Variants in XPO4 observed in about 807,000 individuals in gnomAD.
XPO4 encodes exportin-4.
Under a neutral mutation model 143.0 loss-of-function variants are expected in XPO4, and 39 were observed. The observed-to-expected ratio is 0.27, with a 90% CI of 0.21 to 0.36. XPO4 has a LOEUF of 0.36. XPO4 is among the 10% of genes least tolerant of loss of function. XPO4 has a pLI of 1.00. For missense variants in XPO4, 907 were observed against 1,348.0 expected, an observed-to-expected ratio of 0.67 and a Z score of 5.12; for synonymous variants, 439 against 474.0, an observed-to-expected ratio of 0.93 and a Z score of 0.96.
chr13:20,827,761 T>A (rs1210589373), intron 6 of XPO4, among the ~76,000 whole-genome samples: 1 of 152,250 alleles, frequency 6.6e-6, no homozygotes, highest in Non-Finnish European at 1.5e-5. Flanking sequence ...CAAAAAACTT[T>A]ATAGATGCTT....
rs1336715969 is a variant in XPO4, at chr13:20,788,598, G to C, written c.2935C>G (p.Gln979Glu). Reference protein sequence around the residue: ...DLLKFPTLCNQYYKLITFICE... With the variant: ...DLLKFPTLCNEYYKLITFICE... ...ATAAATGTGATTAATTTGTAGTACT[G>C]ATTACAAAGGGTTGGAAACTGAAAA... Residue 979 changes from glutamine (Q) to glutamate (E), a missense_variant, in exon 20 of 23, where the codon CAG becomes GAG. Physicochemically the swap from Gln to Glu is conservative, Grantham distance 29. Coordinates refer to ENST00000255305, the MANE Select transcript of XPO4 (RefSeq NM_022459.5). 6.2e-7 allele frequency: 1 copy of C among 1,602,432 alleles called. No homozygotes were observed. The highest frequency in any genetic ancestry group is 8.5e-7 in the Non-Finnish European group (1 of 1,175,964).
At chr13:20,852,640 CATTT>C in intron 4 of XPO4, 1 of 960,202 alleles carries the variant, frequency 1.0e-6, no homozygotes, top group Non-Finnish European at 1.2e-6. Flanking sequence ...TATTTTATAA[CATTT>C]AAATAATGAT....
chr13:20,850,505 C>T (rs2060073639), intron 4 of XPO4, among the ~76,000 whole-genome samples: 1 of 151,982 alleles, frequency 6.6e-6, no homozygotes, highest in Admixed American at 6.6e-5. Flanking sequence ...CTTGGCTGGA[C>T]GTGGTGGCTC....
intron 3 of XPO4, chr13:20,856,795 T>C (rs2060148538): frequency 1.0e-6 from 1 of 969,196 alleles, no homozygotes; most frequent in Non-Finnish European, 1.2e-6. Context: ...CACTCCACAC[T>C]CTTTTGACTT....
At chr13:20,851,485 G>A in intron 4 of XPO4, 1 of 950,166 alleles carries the variant, frequency 1.1e-6, no homozygotes, top group Non-Finnish European at 1.3e-6. Context: ...AAGGTGGGCA[G>A]ATTGCTTGAG....
chr13:20,833,827 G>C (rs939306732), intron 6 of XPO4, among the ~76,000 whole-genome samples: 5 of 152,182 alleles, frequency 3.3e-5, no homozygotes, highest in Non-Finnish European at 7.3e-5. Context: ...CAAGGAACAA[G>C]GTAGAAGGAA....
intron 20 of XPO4, 24 bp downstream of exon 20, chr13:20,788,462 C>A: frequency 6.3e-7 from 1 of 1,599,832 alleles, no homozygotes; most frequent in African/African-American, 1.3e-5. Flanking sequence ...TAACAAGTAA[C>A]AGTGATGTTC....
chr13:20,810,756 C>A (rs2059571940), intron 9 of XPO4, among the ~76,000 whole-genome samples: 1 of 152,168 alleles, frequency 6.6e-6, no homozygotes, highest in Non-Finnish European at 1.5e-5. Context: ...CCGGATGTAA[C>A]TAGACCTGTA....
Position 20,868,709 on chromosome 13 carries a change from G to A in XPO4, c.70-8C>T. 2 of 1,610,694 alleles carry A rather than the reference G, an allele frequency of 1.2e-6. No homozygotes were observed. The highest frequency in any genetic ancestry group is 1.7e-6 in the Non-Finnish European group (2 of 1,178,340). On this transcript the variant is annotated splice_polypyrimidine_tract_variant and splice_region_variant and intron_variant, in intron 1 of 22. Transcript: ENST00000255305. ...GACCATGGAAGGTGGTGCCTTGAGA[G>A]TTAAAGACAAGAACAGATACACTTA...
At chr13:20,890,031 G>C (rs903973425) in intron 1 of XPO4, among the ~76,000 whole-genome samples, 5 of 152,172 alleles carry the variant, frequency 3.3e-5, no homozygotes, top group African/African-American at 9.7e-5. Flanking sequence ...AAAAGAACCA[G>C]AAGTAATAAG....
intron 6 of XPO4, among the ~76,000 whole-genome samples, chr13:20,835,747 A>C (rs1336657554): frequency 6.6e-6 from 1 of 152,124 alleles, no homozygotes; most frequent in Non-Finnish European, 1.5e-5. Context: ...TTGTACTTTC[A>C]CTAGAAGTTA....
In XPO4 at chr13:20,856,971, C is replaced by T. The variant is rs1289909280; in HGVS notation, c.318-1206G>A. On this transcript the variant is annotated intron_variant, in intron 3 of 22. Transcript: ENST00000255305. ...CCCACTCTATGCACACTAGCATATG[C>T]AAAGCACACTACCTGCTGCATAACA... 3 of 757,354 alleles carry T rather than the reference C, an allele frequency of 4.0e-6. No homozygotes were observed. The East Asian group carries it at 3.9e-4, about 98-fold the overall frequency. The allele number at this position is 757,354 out of a possible 1,614,324, so 46.9% of individuals were successfully genotyped here.
intron 1 of XPO4, among the ~76,000 whole-genome samples, chr13:20,894,896 G>T (rs2060553310): frequency 6.7e-6 from 1 of 149,942 alleles, no homozygotes; most frequent in Admixed American, 6.7e-5. Context: ...GCAACATTCA[G>T]GCTGGGTGTG....
At chr13:20,902,513 G>T (rs1307013594) in intron 1 of XPO4, 157 bp downstream of exon 1, 1 of 985,300 alleles carries the variant, frequency 1.0e-6, no homozygotes, top group African/African-American at 1.7e-5. Context: ...AAAGTAGGCT[G>T]AAGAATCCTG....
At position 20,854,265 on chromosome 13, in the gene XPO4, A is replaced by G. The variant is rs2060119353; in HGVS notation, c.456+1362T>C. Among the ~76,000 whole-genome samples the G allele has an allele frequency of 2.0e-5, 3 of 152,176 alleles. 1 individual carries two copies. On this transcript the variant is annotated intron_variant, in intron 4 of 22. Transcript: ENST00000255305. Reference sequence around the variant, plus strand: ...GGTATCAGTCTGCGGTCCTAAGCAGAGTGGAGGCAGATGGCTGGGAGAGTG... The same window carrying G: ...GGTATCAGTCTGCGGTCCTAAGCAGGGTGGAGGCAGATGGCTGGGAGAGTG...
At chr13:20,866,470 T>C in intron 2 of XPO4, 2 of 848,284 alleles carry the variant, frequency 2.4e-6, no homozygotes, top group Non-Finnish European at 2.8e-6. Flanking sequence ...TAAACAAGAA[T>C]GTGAAAATTC....
chr13:20,887,953 T>G (rs1595165350), intron 1 of XPO4, among the ~76,000 whole-genome samples: 2 of 151,942 alleles, frequency 1.3e-5, no homozygotes, highest in South Asian at 4.2e-4. Context: ...GACAGGTGAA[T>G]CACTTGAGGT....
At chr13:20,824,965 G>T in intron 7 of XPO4, among the ~76,000 whole-genome samples, 1 of 152,186 alleles carries the variant, frequency 6.6e-6, no homozygotes. Flanking sequence ...AGATGTAGGA[G>T]TCATCTGGGA....
chr13:20,894,836 C>T (rs2060552272), intron 1 of XPO4, among the ~76,000 whole-genome samples: 1 of 135,782 alleles, frequency 7.4e-6, no homozygotes, highest in Admixed American at 7.8e-5. Flanking sequence ...AAGAGTGAAA[C>T]TTCATCTCAA....
Sources: gnomAD v4.1 joint callset for allele counts (sites outside exome capture counted in the v4.1 genomes callset) on GRCh38, gnomAD v4.1.1 for gene constraint, MANE v1.5 for transcripts, NCBI Gene and HGNC (gene_info 2026-07-23, HGNC 2026-07-21) for gene names.